Variants in RELN observed in about 807,000 individuals in gnomAD.
The protein encoded by RELN is reelin.
In RELN, 108 loss-of-function variants were observed where a neutral mutation model predicts 427.6. The observed-to-expected ratio is 0.25, with a 90% CI of 0.22 to 0.30. The LOEUF (loss-of-function observed/expected upper bound fraction) is 0.30. Ranked by LOEUF, RELN falls within the 10% of genes least tolerant of loss-of-function variation. The probability of loss-of-function intolerance (pLI) is 1.00; values close to 1 mark genes in which losing one functional copy is unlikely to be tolerated. For synonymous variants in RELN, 1,524 were observed against 1,513.4 expected, an observed-to-expected ratio of 1.01 and a Z score of -0.16; for missense variants, 3,715 against 4,302.8, an observed-to-expected ratio of 0.86 and a Z score of 3.82.
At chr7:103,881,717 C>T (rs1470598712) in intron 2 of RELN, among the ~76,000 whole-genome samples, 1 of 152,168 alleles carries the variant, frequency 6.6e-6, no homozygotes, top group Non-Finnish European at 1.5e-5. Flanking sequence ...AAAGTAACGT[C>T]ATCTCGGATG....
intron 11 of RELN, among the ~76,000 whole-genome samples, chr7:103,672,506 A>G (rs945474330): frequency 3.3e-5 from 5 of 152,208 alleles, no homozygotes; most frequent in Non-Finnish European, 7.3e-5. Context: ...CTAAAAAGAA[A>G]GCAATATTAG....
At chr7:103,987,572 C>G (rs1030816277) in intron 1 of RELN, among the ~76,000 whole-genome samples, 21 of 152,220 alleles carry the variant, frequency 1.4e-4, no homozygotes, top group African/African-American at 4.6e-4. Context: ...GCCTCACTCA[C>G]TTACCCACCG....
intron 8 of RELN, among the ~76,000 whole-genome samples, chr7:103,706,215 T>C (rs1486287327): frequency 1.3e-5 from 2 of 149,250 alleles, no homozygotes; most frequent in Non-Finnish European, 2.9e-5. Context: ...AGAATCTCCT[T>C]TCACTTGTTA....
At chr7:103,885,013 A>G (rs910978041) in intron 2 of RELN, among the ~76,000 whole-genome samples, 2 of 152,198 alleles carry the variant, frequency 1.3e-5, no homozygotes, top group Non-Finnish European at 2.9e-5. Context: ...TCACAATAGC[A>G]AAGACTTGGA....
At chr7:103,695,356 C>T (rs756572584) in intron 10 of RELN, among the ~76,000 whole-genome samples, 1 of 151,928 alleles carries the variant, frequency 6.6e-6, no homozygotes, top group Non-Finnish European at 1.5e-5. Flanking sequence ...ACTTAACGGC[C>T]AAGTCAAAGA....
At chr7:103,868,452 A>C (rs535663030) in intron 2 of RELN, among the ~76,000 whole-genome samples, 1 of 152,206 alleles carries the variant, frequency 6.6e-6, no homozygotes, top group South Asian at 2.1e-4. Context: ...GAAACTCCAC[A>C]TGAAATTGTT....
intron 2 of RELN, among the ~76,000 whole-genome samples, chr7:103,916,121 G>C (rs1795476068): frequency 6.6e-6 from 1 of 152,054 alleles, no homozygotes; most frequent in Non-Finnish European, 1.5e-5. Context: ...CCTCATCTTG[G>C]GCAAGCAGTG....
At chr7:103,647,425 G>T (rs1484430003) in intron 16 of RELN, among the ~76,000 whole-genome samples, 1 of 150,820 alleles carries the variant, frequency 6.6e-6, no homozygotes, top group East Asian at 2.0e-4. Flanking sequence ...ATAAACGGAG[G>T]ATAAAATCAA....
chr7:103,618,942 C>T (rs1375046412), intron 20 of RELN, among the ~76,000 whole-genome samples: 1 of 151,956 alleles, frequency 6.6e-6, no homozygotes, highest in African/African-American at 2.4e-5. Context: ...GAAACCCAGT[C>T]TCTACTAAAA....
intron 6 of RELN, among the ~76,000 whole-genome samples, chr7:103,742,982 A>G (rs13311242): frequency 0.2 from 29,920 of 147,030 alleles, 4,069 homozygotes; most frequent in African/African-American, 0.39. Flanking sequence ...AAGTTGAAAT[A>G]AAGGAAAAAA....
At chr7:103,880,365 G>C (rs564257697) in intron 2 of RELN, among the ~76,000 whole-genome samples, 1 of 152,046 alleles carries the variant, frequency 6.6e-6, no homozygotes, top group Non-Finnish European at 1.5e-5. Flanking sequence ...TTTATTTTTA[G>C]CTCATCTGTG....
intron 46 of RELN, among the ~76,000 whole-genome samples, chr7:103,531,327 T>A (rs1174504033): frequency 1.3e-5 from 2 of 152,224 alleles, no homozygotes; most frequent in Admixed American, 6.5e-5. Flanking sequence ...ATAAATCATC[T>A]TCTTTCAGGA....
At chr7:103,970,748 G>A (rs1456795356) in intron 1 of RELN, among the ~76,000 whole-genome samples, 2 of 152,202 alleles carry the variant, frequency 1.3e-5, no homozygotes, top group Admixed American at 1.3e-4. Flanking sequence ...AAATGTGACA[G>A]GAACCTAACT....
At chr7:103,863,318 T>C (rs1354984147) in intron 2 of RELN, among the ~76,000 whole-genome samples, 1 of 152,154 alleles carries the variant, frequency 6.6e-6, no homozygotes, top group Non-Finnish European at 1.5e-5. Flanking sequence ...CATAGAATGT[T>C]AGAGCTGGAA....
intron 2 of RELN, among the ~76,000 whole-genome samples, chr7:103,877,990 G>A (rs1431381328): frequency 6.6e-6 from 1 of 151,836 alleles, no homozygotes; most frequent in African/African-American, 2.4e-5. Context: ...CAAATGGCTG[G>A]GATTACAGGC....
intron 8 of RELN, among the ~76,000 whole-genome samples, chr7:103,720,927 C>G (rs950676815): frequency 3.9e-5 from 6 of 152,166 alleles, no homozygotes; most frequent in South Asian, 2.1e-4. Context: ...CACATACCAC[C>G]ACACACCATA....
intron 1 of RELN, among the ~76,000 whole-genome samples, chr7:103,986,006 G>C (rs967358759): frequency 6.6e-6 from 1 of 151,868 alleles, no homozygotes; most frequent in Non-Finnish European, 1.5e-5. Context: ...TTTGGTGCCC[G>C]AAACGCACAT....
intron 12 of RELN, among the ~76,000 whole-genome samples, chr7:103,654,855 A>T (rs187209193): frequency 6.6e-6 from 1 of 152,230 alleles, no homozygotes; most frequent in Admixed American, 6.6e-5. Context: ...TGATGATGGT[A>T]CTGAATGACA....
intron 3 of RELN, among the ~76,000 whole-genome samples, chr7:103,829,244 C>T (rs571239142): frequency 2.0e-5 from 3 of 151,940 alleles, no homozygotes; most frequent in African/African-American, 7.2e-5. Context: ...TAGTTTCTTG[C>T]TAATTTTTAG....
Sources: allele counts gnomAD v4.1 joint callset (sites outside exome capture counted in the v4.1 genomes callset), GRCh38; gene constraint gnomAD v4.1.1; transcripts MANE v1.5; gene names NCBI Gene and HGNC (gene_info 2026-07-23, HGNC 2026-07-21).